The following EXOC4 variants were observed in gnomAD, a reference collection of about 807,000 sequenced individuals.
EXOC4 encodes the protein SEC8-like 1.
A neutral mutation model predicts 107.2 loss-of-function variants in EXOC4; 71 were observed. The ratio of observed to expected loss-of-function variants is 0.66; its 90% CI spans 0.55 to 0.81. The LOEUF (loss-of-function observed/expected upper bound fraction) is 0.81. Ranked by LOEUF, EXOC4 falls within the 30% of genes least tolerant of loss-of-function variation. The pLI is 0.00. For missense variants in EXOC4, 1,108 were observed against 1,189.6 expected (o/e 0.93, Z 1.01); for synonymous variants, 456 against 441.2 (o/e 1.03, Z -0.42).
chr7:133,379,024 T>A (rs561151289), intron 7 of EXOC4, among the ~76,000 whole-genome samples: 15 of 152,288 alleles, frequency 9.8e-5, no homozygotes, highest in African/African-American at 3.1e-4. Flanking sequence ...TAAATAATTT[T>A]AAAATTGTAG....
In EXOC4 at chr7:133,992,216, T is replaced by G. The variant is rs980552062; in HGVS notation, c.2207-5276T>G. ...AGGTTTTTCTTATTGTAAATTGGAT[T>G]TTTTTTCTTGATTTCTTTGGTGGAT... On this transcript the variant is annotated intron_variant, in intron 14 of 17. Coordinates refer to ENST00000253861, the MANE Select transcript of EXOC4 (RefSeq NM_021807.4). Among the ~76,000 whole-genome samples the G allele has an allele frequency of 5.9e-5, 9 of 152,176 alleles. No individual in the cohort carries two copies. In the East Asian group the frequency reaches 1.7e-3, roughly 29 times the overall value.
At chr7:133,360,694 T>C (rs1040741433) in intron 6 of EXOC4, among the ~76,000 whole-genome samples, 2 of 152,218 alleles carry the variant, frequency 1.3e-5, no homozygotes, top group Admixed American at 1.3e-4. Flanking sequence ...TAGTTGTGTT[T>C]GGTTAGTAGG....
At chr7:133,985,523 C>T (rs1794093919) in intron 14 of EXOC4, among the ~76,000 whole-genome samples, 1 of 152,186 alleles carries the variant, frequency 6.6e-6, no homozygotes, top group Admixed American at 6.5e-5. Flanking sequence ...CACCATCACT[C>T]CCAGTCAGAG....
At chr7:133,443,414 G>A (rs183263674) in intron 7 of EXOC4, among the ~76,000 whole-genome samples, 68 of 152,252 alleles carry the variant, frequency 4.5e-4, no homozygotes, top group Middle Eastern at 3.4e-3. Flanking sequence ...CAACTGGATA[G>A]CCTTGGATGG....
chr7:133,939,679 A>G (rs1295707634), intron 14 of EXOC4, among the ~76,000 whole-genome samples: 1 of 152,184 alleles, frequency 6.6e-6, no homozygotes, highest in Admixed American at 6.5e-5. Context: ...ACTGCTTTTT[A>G]TCTGATGATG....
At chr7:133,380,649 G>GT (rs1796597355) in intron 7 of EXOC4, among the ~76,000 whole-genome samples, 1 of 151,906 alleles carries the variant, frequency 6.6e-6, no homozygotes. Context: ...AAATTTTATA[G>GT]TTTAAGAGAA....
At chr7:133,745,557 GA>G (rs1312260085) in intron 10 of EXOC4, among the ~76,000 whole-genome samples, 1 of 151,968 alleles carries the variant, frequency 6.6e-6, no homozygotes, top group Admixed American at 6.6e-5. Context: ...TAATGATACA[GA>G]AAATGTTCAT....
intron 9 of EXOC4, among the ~76,000 whole-genome samples, chr7:133,536,479 TA>T (rs1034336892): frequency 5.4e-4 from 82 of 152,058 alleles, no homozygotes; most frequent in African/African-American, 2.0e-3. Flanking sequence ...ATGTTGCTGG[TA>T]GCAATTTTTA....
chr7:133,326,377 T>A (rs919076772), intron 5 of EXOC4, among the ~76,000 whole-genome samples: 10 of 152,166 alleles, frequency 6.6e-5, no homozygotes, highest in Non-Finnish European at 1.0e-4. Flanking sequence ...GACGTACAGA[T>A]GGGGTTTTGG....
intron 11 of EXOC4, among the ~76,000 whole-genome samples, chr7:133,886,245 G>A (rs1799083741): frequency 6.6e-6 from 1 of 152,188 alleles, no homozygotes; most frequent in Admixed American, 6.5e-5. Flanking sequence ...AAGTCCTCCA[G>A]TAAAAACACC....
intron 7 of EXOC4, among the ~76,000 whole-genome samples, chr7:133,414,804 G>A (rs1032381419): frequency 6.6e-6 from 1 of 152,066 alleles, no homozygotes; most frequent in Non-Finnish European, 1.5e-5. Context: ...CCAATTCAAA[G>A]TATACAATTC....
At chr7:133,464,818 T>TTTTG (rs1798685891) in intron 7 of EXOC4, among the ~76,000 whole-genome samples, 1 of 116,308 alleles carries the variant, frequency 8.6e-6, no homozygotes, top group Non-Finnish European at 1.8e-5. Flanking sequence ...TTGGTTTTTT[T>TTTTG]TTTTTTTTTT....
intron 7 of EXOC4, among the ~76,000 whole-genome samples, chr7:133,394,424 G>A (rs978118646): frequency 2.6e-5 from 4 of 152,050 alleles, no homozygotes; most frequent in Admixed American, 2.6e-4. Context: ...TTCTTTAAGT[G>A]TTAAGTCTGT....
At chr7:134,074,253 AAAAC>A in the EXOC4 span, among the ~76,000 whole-genome samples, 3 of 152,162 alleles carry the variant, frequency 2.0e-5, no homozygotes, top group East Asian at 5.8e-4. Context: ...TAGACCTTTC[AAAAC>A]AATAGGCTGC....
chr7:133,606,511 ATTATTATTTTTT>A (rs1801949606), intron 9 of EXOC4, among the ~76,000 whole-genome samples: 3 of 141,806 alleles, frequency 2.1e-5, no homozygotes, highest in African/African-American at 8.2e-5. Flanking sequence ...TATTATTATT[ATTATTATTTTTT>A]TTTTTTTTTG....
At chr7:133,689,136 A>G (rs1349402685) in intron 10 of EXOC4, among the ~76,000 whole-genome samples, 1 of 152,130 alleles carries the variant, frequency 6.6e-6, no homozygotes, top group African/African-American at 2.4e-5. Context: ...AGTAGAGGTG[A>G]TTATTCATGA....
intron 10 of EXOC4, among the ~76,000 whole-genome samples, chr7:133,696,246 T>C (rs896906399): frequency 6.6e-5 from 10 of 152,158 alleles, no homozygotes; most frequent in Non-Finnish European, 1.2e-4. Context: ...CAGTTTCTGT[T>C]GTCAATGCAG....
At chr7:133,653,708 C>T (rs572291572) in intron 10 of EXOC4, among the ~76,000 whole-genome samples, 1 of 152,294 alleles carries the variant, frequency 6.6e-6, no homozygotes, top group African/African-American at 2.4e-5. Flanking sequence ...AAAAGGTAAG[C>T]CTGACTTTAT....
intron 9 of EXOC4, among the ~76,000 whole-genome samples, chr7:133,561,751 A>G (rs1470269716): frequency 1.3e-5 from 2 of 152,154 alleles, no homozygotes; most frequent in African/African-American, 2.4e-5. Context: ...AAAGCTGTGC[A>G]TGTTCTTTGA....
Sources: gnomAD v4.1 joint callset for allele counts (sites outside exome capture counted in the v4.1 genomes callset) on GRCh38, gnomAD v4.1.1 for gene constraint, MANE v1.5 for transcripts, NCBI Gene and HGNC (gene_info 2026-07-23, HGNC 2026-07-21) for gene names.